Variants in CSNK1G1 observed in about 807,000 individuals in gnomAD.
The protein encoded by CSNK1G1 is casein kinase I isoform gamma-1.
Under a neutral mutation model 59.6 loss-of-function variants are expected in CSNK1G1, and 22 were observed. The observed-to-expected ratio is 0.37, with a 90% CI of 0.26 to 0.53. The LOEUF (loss-of-function observed/expected upper bound fraction) is 0.53. Among genes scored for constraint, CSNK1G1 ranks in the 20% least tolerant of loss-of-function variants. The pLI is 0.89. For synonymous variants in CSNK1G1, 179 were observed against 177.1 expected (o/e 1.01, Z -0.08); for missense variants, 384 against 519.5 (o/e 0.74, Z 2.54).
At chr15:64,243,095 G>A (rs1891556701) in intron 4 of CSNK1G1, among the ~76,000 whole-genome samples, 1 of 152,130 alleles carries the variant, frequency 6.6e-6, no homozygotes, top group Non-Finnish European at 1.5e-5. Context: ...AAGCACTTTG[G>A]GAGGCTTTGA....
intron 2 of CSNK1G1, 148 bp from the exon 3 acceptor site, chr15:64,259,389 A>C (rs8031736): frequency 0.017 from 10,250 of 603,336 alleles, 101 homozygotes; most frequent in Non-Finnish European, 0.023. Context: ...AAAGCTACAG[A>C]GATAATGAGA....
chr15:64,353,217 T>C (rs1013870221), intron 1 of CSNK1G1, among the ~76,000 whole-genome samples: 10 of 152,242 alleles, frequency 6.6e-5, no homozygotes, highest in African/African-American at 1.9e-4. Flanking sequence ...TATTTGATTT[T>C]TGTCCTCTGA....
At chr15:64,355,218 T>C (rs1029785251) in intron 1 of CSNK1G1, among the ~76,000 whole-genome samples, 1 of 152,224 alleles carries the variant, frequency 6.6e-6, no homozygotes, top group Non-Finnish European at 1.5e-5. Context: ...TGGACTAGCC[T>C]ATTGTTAAAT....
chr15:64,349,682 T>C (rs143168595), intron 1 of CSNK1G1, among the ~76,000 whole-genome samples: 1 of 152,232 alleles, frequency 6.6e-6, no homozygotes, highest in Non-Finnish European at 1.5e-5. Context: ...TTCTCTGAGA[T>C]GACTGAGTCT....
chr15:64,240,367 A>T (rs1353495800), intron 4 of CSNK1G1, among the ~76,000 whole-genome samples: 1 of 152,224 alleles, frequency 6.6e-6, no homozygotes, highest in Admixed American at 6.5e-5. Context: ...AAGGCATAGA[A>T]AACCTATTTA....
chr15:64,230,621 C>A (rs2082534222), intron 4 of CSNK1G1, among the ~76,000 whole-genome samples: 1 of 152,158 alleles, frequency 6.6e-6, no homozygotes, highest in Admixed American at 6.5e-5. Flanking sequence ...GGCCTATTTT[C>A]AACATTTAGC....
At chr15:64,322,353 T>C (rs952380594) in intron 1 of CSNK1G1, among the ~76,000 whole-genome samples, 5 of 150,706 alleles carry the variant, frequency 3.3e-5, no homozygotes, top group South Asian at 4.2e-4. Context: ...TTCTCTCTCT[T>C]TTTTTTTTAA....
intron 2 of CSNK1G1, among the ~76,000 whole-genome samples, chr15:64,297,540 C>T (rs973790017): frequency 6.6e-6 from 1 of 151,940 alleles, no homozygotes; most frequent in African/African-American, 2.4e-5. Context: ...CTCTACAAAA[C>T]ATTTAAAAAT....
intron 1 of CSNK1G1, among the ~76,000 whole-genome samples, chr15:64,312,990 C>G (rs534991129): frequency 1.3e-5 from 2 of 152,036 alleles, no homozygotes; most frequent in African/African-American, 4.8e-5. Context: ...ATGCAGCCAA[C>G]AAACATGAAA....
chr15:64,311,911 C>G (rs1477164339), intron 1 of CSNK1G1, among the ~76,000 whole-genome samples: 1 of 152,044 alleles, frequency 6.6e-6, no homozygotes, highest in Non-Finnish European at 1.5e-5. Context: ...GCAACTTCAG[C>G]AAAGTCTCAG....
At chr15:64,244,541 T>A (rs1182161954) in intron 4 of CSNK1G1, among the ~76,000 whole-genome samples, 1 of 152,034 alleles carries the variant, frequency 6.6e-6, no homozygotes, top group Non-Finnish European at 1.5e-5. Context: ...CTAAAATTCT[T>A]ATGAAATCAC....
chr15:64,322,373 C>T (rs961117362), intron 1 of CSNK1G1, among the ~76,000 whole-genome samples: 8 of 151,916 alleles, frequency 5.3e-5, no homozygotes, highest in Middle Eastern at 3.2e-3. Context: ...AATACAGACA[C>T]GGTCTTACTA....
chr15:64,216,740 T>A lies in CSNK1G1; in HGVS notation c.293-27A>T, dbSNP rs775885336. On this transcript the variant is annotated intron_variant, in intron 4 of 11. Transcript: ENST00000303052. The surrounding 1 kb of genome is among the most constrained non-coding windows in gnomAD (Gnocchi z 4.6). The stretch of plus-strand genomic sequence containing the variant: ...TGAAAGCAGAGGGGAAATGGGGGTA[T>A]ACAGTGGGAGACACAAAAGCCAAAA... 5 of 1,607,920 alleles carry A rather than the reference T, an allele frequency of 3.1e-6. No individual in the cohort carries two copies. Among genetic ancestry groups the A allele is most frequent in the Non-Finnish European group, 4.3e-6 (5 of 1,175,680 alleles).
At chr15:64,305,359 A>G (rs1193858020) in intron 1 of CSNK1G1, among the ~76,000 whole-genome samples, 3 of 152,166 alleles carry the variant, frequency 2.0e-5, no homozygotes, top group African/African-American at 7.2e-5. Flanking sequence ...GGACAAATTA[A>G]AAGACACTGT....
chr15:64,196,234 T>C (rs760785529), intron 10 of CSNK1G1, among the ~76,000 whole-genome samples: 7 of 151,740 alleles, frequency 4.6e-5, no homozygotes, highest in Non-Finnish European at 1.0e-4. Context: ...AAAAAAGAAG[T>C]GCTTGGAATA....
At chr15:64,196,349 C>G (rs952916621) in intron 10 of CSNK1G1, among the ~76,000 whole-genome samples, 1 of 152,042 alleles carries the variant, frequency 6.6e-6, no homozygotes, top group Non-Finnish European at 1.5e-5. Context: ...AAACAGTACT[C>G]AATTCAATAT....
chr15:64,346,290 T>C lies in CSNK1G1; in HGVS notation c.-225+9698A>G, dbSNP rs563220991. Among the ~76,000 whole-genome samples, 9 of 151,030 alleles carry C rather than the reference T, an allele frequency of 6.0e-5. 1 individual carries two copies. Among genetic ancestry groups the C allele is most frequent in the African/African-American group, 1.9e-4 (8 of 41,324 alleles). On this transcript the variant is annotated intron_variant, in intron 1 of 11. Coordinates refer to ENST00000303052, the MANE Select transcript of CSNK1G1 (RefSeq NM_022048.5). ...ACCCATGTGCATGCATATACACATA[T>C]TCCTTACACCTTTCCAAAAAAAAAA... is the stretch of plus-strand genomic sequence containing the variant.
chr15:64,279,843 G>A (rs1164675323), intron 2 of CSNK1G1, among the ~76,000 whole-genome samples: 2 of 151,834 alleles, frequency 1.3e-5, no homozygotes, highest in East Asian at 1.9e-4. Context: ...ATGGTGGCAC[G>A]CACCTGTAGT....
intron 4 of CSNK1G1, among the ~76,000 whole-genome samples, chr15:64,233,718 TA>T (rs1333998891): frequency 6.6e-6 from 1 of 152,138 alleles, no homozygotes; most frequent in East Asian, 1.9e-4. Flanking sequence ...TTTTGCAAAC[TA>T]GTATAGCTAA....
Sources: gnomAD v4.1 joint callset for allele counts (sites outside exome capture counted in the v4.1 genomes callset) on GRCh38, gnomAD v4.1.1 for gene constraint, Gnocchi (gnomAD v3.1) non-coding constraint, MANE v1.5 for transcripts, NCBI Gene and HGNC (gene_info 2026-07-23, HGNC 2026-07-21) for gene names.